NFAT5: variants seen among roughly 807,000 people sequenced by gnomAD.
The protein encoded by NFAT5 is nuclear factor of activated T-cells 5.
A neutral mutation model predicts 166.5 loss-of-function variants in NFAT5; 31 were observed. The ratio of observed to expected loss-of-function variants is 0.19; its 90% CI spans 0.14 to 0.25. The LOEUF (loss-of-function observed/expected upper bound fraction) is 0.25, where lower values mean the gene tolerates loss of function less well. Ranked by LOEUF, NFAT5 falls within the 10% of genes least tolerant of loss-of-function variation. The pLI is 1.00. For missense variants in NFAT5, 1,449 were observed against 1,821.8 expected, an observed-to-expected ratio of 0.80 and a Z score of 3.72; for synonymous variants, 612 against 639.7, an observed-to-expected ratio of 0.96 and a Z score of 0.65.
rs780018548 is a variant in NFAT5 at position 69,693,754 on chromosome 16, A to C, written c.3929A>C (p.Asn1310Thr). Residue 1310 changes from asparagine to threonine, a missense_variant, in exon 13 of 15, where the codon AAC becomes ACC. Physicochemically the swap from Asn to Thr is moderately conservative, Grantham distance 65. This residue lies in a region of NFAT5 where 891 missense variants were observed against 993.0 expected (regional missense o/e 0.90). Coordinates refer to ENST00000349945, the MANE Select transcript of NFAT5 (RefSeq NM_138713.4). ...PKQPPPNMIF[N>T]PNQNPMANQE... Reference sequence around the variant, plus strand: ...CAACCACCACCAAACATGATATTCAACCCAAATCAAAATCCAATGGCTAAT... The same window carrying C: ...CAACCACCACCAAACATGATATTCACCCCAAATCAAAATCCAATGGCTAAT... 1.2e-6 allele frequency: 2 copies of C among 1,614,252 alleles called. No individual in the cohort carries two copies. Among genetic ancestry groups the C allele is most frequent in the South Asian group, 2.2e-5 (2 of 91,084 alleles).
rs1168730562 is a variant in NFAT5 at position 69,699,502 on chromosome 16, C to G, written c.*3151C>G. ...GTTTTTTTTACATTGTTAAATGTTC[C>G]TTACCCCTAAAGGTCAATGTTAAGT... On this transcript the variant is annotated 3_prime_UTR_variant, in exon 15 of 15. Transcript: ENST00000349945. 2 of 152,488 alleles carry G rather than the reference C, an allele frequency of 1.3e-5. No homozygotes were observed. The highest frequency in any genetic ancestry group is 3.9e-4 in the East Asian group (2 of 5,192). 9.4% of individuals were successfully genotyped at this position (152,488 alleles called of 1,614,324 possible).
Position 69,701,713 on chromosome 16 carries a change from A to G in NFAT5, c.*5362A>G, listed in dbSNP as rs878941711. ...AGATGTGTGTAAATTTCAGGAAGAA[A>G]GTGTTGAAAGCATTTTCTCTGATGT... On this transcript the variant is annotated 3_prime_UTR_variant, in exon 15 of 15. Coordinates refer to ENST00000349945, the MANE Select transcript of NFAT5 (RefSeq NM_138713.4). 5.9e-5 allele frequency: 9 copies of G among 152,336 alleles called. No homozygotes were observed. The East Asian group carries it at 9.6e-4, about 16-fold the overall frequency. The allele number at this position is 152,336 out of a possible 1,614,324, so 9.4% of individuals were successfully genotyped here. A position where few individuals can be genotyped will look rare whatever the true frequency, so the allele number is the denominator to read the frequency against.
chr16:69,658,655 C>T (rs1355740678), intron 6 of NFAT5, among the ~76,000 whole-genome samples: 2 of 151,868 alleles, frequency 1.3e-5, no homozygotes, highest in African/African-American at 4.8e-5. Context: ...TAGTAAGACT[C>T]CGACTGTACT....
chr16:69,597,026 T>C (rs2032836346), intron 2 of NFAT5, among the ~76,000 whole-genome samples: 1 of 152,162 alleles, frequency 6.6e-6, no homozygotes, highest in African/African-American at 2.4e-5. Context: ...AAATCAGTCC[T>C]GAAGTCATAA....
intron 4 of NFAT5, chr16:69,648,622 A>G: frequency 1.0e-6 from 1 of 980,958 alleles, no homozygotes; most frequent in Non-Finnish European, 1.2e-6. Context: ...AATGCAGACT[A>G]GTATGACTTT....
At chr16:69,588,885 G>T (rs927363651) in intron 2 of NFAT5, among the ~76,000 whole-genome samples, 2 of 147,128 alleles carry the variant, frequency 1.4e-5, no homozygotes, top group Non-Finnish European at 3.0e-5. Context: ...AGAATGATTT[G>T]AATGTTTACC....
intron 4 of NFAT5, chr16:69,649,705 A>G (rs1236429171): frequency 3.6e-6 from 1 of 276,882 alleles, no homozygotes; most frequent in East Asian, 1.8e-4. Context: ...ATAATTTTTC[A>G]GAGCATGTCA....
intron 2 of NFAT5, among the ~76,000 whole-genome samples, chr16:69,611,100 T>A: frequency 6.6e-6 from 1 of 152,358 alleles, no homozygotes; most frequent in South Asian, 2.1e-4. Flanking sequence ...TCTTTCAAGA[T>A]CAACAACAAA....
chr16:69,675,902 A>C (rs533210968), intron 9 of NFAT5, among the ~76,000 whole-genome samples: 1 of 152,140 alleles, frequency 6.6e-6, no homozygotes, highest in Admixed American at 6.6e-5. Flanking sequence ...CGGCCTCCCA[A>C]AGTGTTGGGA....
At chr16:69,695,040 CT>C in intron 13 of NFAT5, 95 bp from the exon 14 acceptor site, 3 of 902,938 alleles carry the variant, frequency 3.3e-6, no homozygotes. Flanking sequence ...TAATAAATAT[CT>C]TTTCATGAAT....
At chr16:69,659,997 C>A in intron 7 of NFAT5, 98 bp downstream of exon 7, 3 of 1,071,728 alleles carry the variant, frequency 2.8e-6, no homozygotes, top group Non-Finnish European at 2.6e-6. Context: ...TCATATGCTC[C>A]GGCTTGTGAT....
chr16:69,569,405 G>A (rs766627345), intron 2 of NFAT5, among the ~76,000 whole-genome samples: 1 of 151,268 alleles, frequency 6.6e-6, no homozygotes, highest in Non-Finnish European at 1.5e-5. Flanking sequence ...AGCGGCCACC[G>A]TGAAATACAC....
intron 10 of NFAT5, among the ~76,000 whole-genome samples, chr16:69,683,259 C>T (rs750643661): frequency 1.6e-4 from 24 of 151,994 alleles, no homozygotes; most frequent in Non-Finnish European, 2.8e-4. Flanking sequence ...AGGCCAAGCA[C>T]GGTGGTTCAT....
intron 10 of NFAT5, among the ~76,000 whole-genome samples, chr16:69,684,110 A>G (rs2037183165): frequency 6.6e-6 from 1 of 151,498 alleles, no homozygotes; most frequent in Admixed American, 6.6e-5. Context: ...AAATAAATAA[A>G]TAGCCTGGCA....
chr16:69,618,882 CT>C (rs1263478611), intron 2 of NFAT5, among the ~76,000 whole-genome samples: 1 of 152,104 alleles, frequency 6.6e-6, no homozygotes, highest in Non-Finnish European at 1.5e-5. Context: ...CATTAGTTTA[CT>C]TCTTGTTAGA....
rs558746330 is a variant in NFAT5 at position 69,655,769 on chromosome 16, G to C, written c.1166G>C (p.Gly389Ala). The change falls in exon 6 of 15, where the codon GGC becomes GCC. Residue 389 changes from glycine (G) to alanine (A), a missense_variant. Coordinates refer to ENST00000349945, the MANE Select transcript of NFAT5 (RefSeq NM_138713.4). ...GAAGGCACTACTGTTATAGAAGTCG[G>C]CCTTGATCCTAGCAACAACATGACA... Reference protein sequence around the residue: ...DIEGTTVIEVGLDPSNNMTLA... With the variant: ...DIEGTTVIEVALDPSNNMTLA... 4 of 1,613,172 alleles carry C rather than the reference G, an allele frequency of 2.5e-6. No homozygotes were observed. The East Asian group carries it at 8.9e-5, about 36-fold the overall frequency.
intron 2 of NFAT5, among the ~76,000 whole-genome samples, chr16:69,590,783 C>T (rs1244631722): frequency 1.3e-5 from 2 of 152,064 alleles, no homozygotes; most frequent in Non-Finnish European, 2.9e-5. Flanking sequence ...CATGGGATTC[C>T]CCGCCCCATC....
chr16:69,676,855 A>G (rs2036851290), intron 9 of NFAT5: 1 of 176,954 alleles, frequency 5.7e-6, no homozygotes, highest in African/African-American at 2.4e-5. Flanking sequence ...ATTGCAATTG[A>G]AGAGAATAAC....
intron 2 of NFAT5, among the ~76,000 whole-genome samples, chr16:69,600,230 CA>C (rs2151539805): frequency 1.3e-5 from 2 of 150,322 alleles, no homozygotes; most frequent in South Asian, 4.2e-4. Context: ...AGAAAATAAA[CA>C]GGAATTCCTG....
Sources: gnomAD v4.1 joint callset for allele counts (sites outside exome capture counted in the v4.1 genomes callset) on GRCh38, gnomAD v4.1.1 for gene constraint, gnomAD v4.1.1 regional missense constraint, MANE v1.5 for transcripts, NCBI Gene and HGNC (gene_info 2026-07-23, HGNC 2026-07-21) for gene names.